The following APC variants were observed in gnomAD, a reference collection of about 807,000 sequenced individuals.
APC encodes the protein APC regulator of Wnt signaling pathway.
APC carries 72 observed loss-of-function variants against 247.0 expected under a neutral mutation model. The observed-to-expected ratio is 0.29, with a 90% confidence interval of 0.24 to 0.35. The LOEUF is 0.35. APC is among the 10% of genes least tolerant of loss of function. APC has a pLI of 1.00. For missense variants in APC, 3,400 were observed against 3,360.7 expected (o/e 1.01, Z -0.29); for synonymous variants, 1,254 against 1,162.5 (o/e 1.08, Z -1.60).
chr5:112,752,608 A>G (rs1216152282), intron 1 of APC, among the ~76,000 whole-genome samples: 2 of 152,208 alleles, frequency 1.3e-5, no homozygotes, highest in Non-Finnish European at 2.9e-5. Context: ...TGATCACACA[A>G]GTTTCAAATT....
rs1561600562 is a variant in APC, at chr5:112,841,090, T to C, written c.5496T>C (p.Asp1832=). 1.2e-6 allele frequency: 2 copies of C among 1,612,890 alleles called. No homozygotes were observed. The highest frequency in any genetic ancestry group is 1.7e-6 in the Non-Finnish European group (2 of 1,178,912). The change falls in exon 16 of 16, where the codon GAT becomes GAC. Residue 1832 remains aspartate (D), a synonymous_variant. Coordinates refer to ENST00000257430, the MANE Select transcript of APC (RefSeq NM_000038.6). The surrounding 1 kb of genome is among the most constrained non-coding windows in gnomAD (Gnocchi z 4.6). ...ATGATAAGCTCCCAAATAATGAAGA[T>C]AGAGTCAGAGGAAGTTTTGCTTTTG... The part of the protein sequence containing the change: ...VFNDKLPNNE[D]RVRGSFAFDS...
intron 1 of APC, among the ~76,000 whole-genome samples, chr5:112,742,056 C>G (rs915077574): frequency 6.6e-6 from 1 of 152,128 alleles, no homozygotes; most frequent in African/African-American, 2.4e-5. Flanking sequence ...CACCTTTTGT[C>G]TATCATGAAT....
intron 6 of APC, among the ~76,000 whole-genome samples, 200 bp from the exon 7 acceptor site, chr5:112,792,246 G>GA (rs921344881): frequency 1.6e-4 from 24 of 146,462 alleles, no homozygotes; most frequent in African/African-American, 5.5e-4. Flanking sequence ...ACTCTGTCTC[G>GA]AAAAAAAAAG....
intron 7 of APC, among the ~76,000 whole-genome samples, chr5:112,799,206 G>T (rs1644239): frequency 7.1e-6 from 1 of 140,200 alleles, no homozygotes. Context: ...AAAAAAAAAG[G>T]CACTTTAATA....
chr5:112,821,854 A>G (rs1006392625), intron 10 of APC, 42 bp from the exon 11 acceptor site: 3 of 1,477,902 alleles, frequency 2.0e-6, no homozygotes, highest in Non-Finnish European at 1.9e-6. Context: ...ATTGCTCTTC[A>G]AATAACAAAG....
intron 6 of APC, among the ~76,000 whole-genome samples, chr5:112,781,519 A>G (rs192824475): frequency 6.6e-6 from 1 of 152,316 alleles, no homozygotes; most frequent in Non-Finnish European, 1.5e-5. Context: ...TCTGTTTCAA[A>G]ACTAGCGTGG....
intron 4 of APC, among the ~76,000 whole-genome samples, chr5:112,769,823 C>T (rs1326575195): frequency 6.6e-6 from 1 of 152,158 alleles, no homozygotes; most frequent in African/African-American, 2.4e-5. Context: ...CATATATGCC[C>T]ATTTATAAAA....
rs2149783738 is a variant in APC at position 112,766,326 on chromosome 5, G to A, written c.136G>A (p.Glu46Lys). 1 of 1,587,104 alleles carries A rather than the reference G, an allele frequency of 6.3e-7. No homozygotes were observed. The change falls in exon 3 of 16, where the codon GAA (glutamate) becomes AAA (lysine). Residue 46 changes from glutamate (E) to lysine (K), a missense_variant and splice_region_variant. By Grantham distance (56) the Glu-to-Lys change is moderately conservative. This residue lies in a region of APC where 372 missense variants were observed against 367.6 expected (regional missense o/e 1.01). Coordinates refer to ENST00000257430, the MANE Select transcript of APC (RefSeq NM_000038.6). ...TAATATATTGTGTTCTTTTTAACAG[G>A]AAGTACTTAAACAACTACAAGGAAG... is the stretch of plus-strand genomic sequence containing the variant. ...KLETEASNMK[E>K]VLKQLQGSIE...
rs142720069 is a variant in APC at position 112,755,010 on chromosome 5, G to A, written c.120G>A (p.Glu40=). The A allele has an allele frequency of 3.7e-4, 605 of 1,613,606 alleles. 1 individual carries two copies. In the African/African-American group the frequency reaches 5.0e-3, roughly 13 times the overall value. ...ATCATCTTACAAAACTGGAAACTGAGGCATCTAATATGAAGGTATCAAGAC... is the reference window on the plus strand; with the variant it reads ...ATCATCTTACAAAACTGGAAACTGAAGCATCTAATATGAAGGTATCAAGAC... ...NSNHLTKLET[E]ASNMKEVLKQ... Residue 40 remains glutamate (E), a synonymous_variant, in exon 2 of 16, where the codon GAG becomes GAA. Transcript: ENST00000257430.
intron 7 of APC, among the ~76,000 whole-genome samples, chr5:112,793,488 A>G (rs1325640479): frequency 1.1e-5 from 1 of 87,540 alleles, no homozygotes; most frequent in Non-Finnish European, 2.6e-5. Context: ...AAAAAACTTA[A>G]AGAGACTTAC....
chr5:112,830,309 A>G (rs1361269803), intron 14 of APC, among the ~76,000 whole-genome samples: 2 of 151,032 alleles, frequency 1.3e-5, no homozygotes, highest in Admixed American at 1.3e-4. Flanking sequence ...CCTTGAAAAG[A>G]TACTTAATAT....
intron 8 of APC, among the ~76,000 whole-genome samples, chr5:112,805,265 T>C (rs897512407): frequency 1.3e-5 from 2 of 152,220 alleles, no homozygotes; most frequent in Non-Finnish European, 2.9e-5. Context: ...ACTGTCTTGA[T>C]TTCCGTTGTA....
chr5:112,834,238 CT>C lies in APC; in HGVS notation c.1744-691del, dbSNP rs963878310. ...ACAGGCATGAGCCACCACGTTGCGC[CT>C]TTTTTTTTTTTTTTTTTTTTTAAAA... On this transcript the variant is annotated intron_variant, in intron 14 of 15. Coordinates refer to ENST00000257430, the MANE Select transcript of APC (RefSeq NM_000038.6). 7.1e-3 allele frequency among the ~76,000 whole-genome samples: 899 copies of C among 126,582 alleles called. 8 individuals are homozygous for C. Among genetic ancestry groups the C allele is most frequent in the African/African-American group, 0.023 (748 of 33,090 alleles). 83.0% of individuals were successfully genotyped at this position (126,582 alleles called of 152,430 possible).
intron 14 of APC, chr5:112,829,568 C>T (rs1764102558): frequency 1.9e-5 from 3 of 154,242 alleles, no homozygotes; most frequent in Admixed American, 1.3e-4. Context: ...TGCCTCAGCA[C>T]TATAGACATT....
chr5:112,840,884 C>G lies in APC; in HGVS notation c.5290C>G (p.Gln1764Glu), dbSNP rs529543591. 5.0e-6 allele frequency: 8 copies of G among 1,613,850 alleles called. No individual in the cohort carries two copies. In the East Asian group the frequency reaches 1.3e-4, roughly 27 times the overall value. Residue 1764 changes from glutamine to glutamate, a missense_variant, in exon 16 of 16, where the codon CAG (glutamine) becomes GAG (glutamate). Physicochemically the swap from Gln to Glu is conservative, Grantham distance 29 (BLOSUM62 2). This residue lies in a region of APC where 1,788 missense variants were observed against 1,649.5 expected (regional missense o/e 1.08). Coordinates refer to ENST00000257430, the MANE Select transcript of APC (RefSeq NM_000038.6). The surrounding 1 kb of genome is among the most constrained non-coding windows in gnomAD (Gnocchi z 4.1). The stretch of plus-strand genomic sequence containing the variant: ...GTCTTCTTCTGCACCCAACAAAAAT[C>G]AGTTAGATGGTAAGAAAAAGAAACC... ...SASSSAPNKN[Q>E]LDGKKKKPTS... is the part of the protein sequence containing the mutation.
intron 1 of APC, among the ~76,000 whole-genome samples, chr5:112,742,343 A>T (rs1581078275): frequency 6.6e-6 from 1 of 152,150 alleles, no homozygotes; most frequent in African/African-American, 2.4e-5. Flanking sequence ...ATTCTTATAC[A>T]TATCTCCTTG....
chr5:112,716,026 C>T (rs1456944151), intron 1 of APC, among the ~76,000 whole-genome samples: 1 of 152,056 alleles, frequency 6.6e-6, no homozygotes, highest in Non-Finnish European at 1.5e-5. Flanking sequence ...TTATTAGTTT[C>T]ACCAGAGATC....
chr5:112,801,416 T>G, intron 8 of APC, 33 bp downstream of exon 8: 2 of 1,430,434 alleles, frequency 1.4e-6, no homozygotes, highest in Admixed American at 3.9e-5. Flanking sequence ...TTTTTTAAAA[T>G]TATTTAAATA....
intron 4 of APC, among the ~76,000 whole-genome samples, chr5:112,768,361 A>G (rs7728891): frequency 6.7e-6 from 1 of 148,598 alleles, no homozygotes; most frequent in African/African-American, 2.5e-5. Flanking sequence ...CTGTCTCTTT[A>G]CCAAAAAAAA....
Sources: gnomAD v4.1 joint callset for allele counts (sites outside exome capture counted in the v4.1 genomes callset) on GRCh38, gnomAD v4.1.1 for gene constraint, gnomAD v4.1.1 regional missense constraint, Gnocchi (gnomAD v3.1) non-coding constraint, MANE v1.5 for transcripts, NCBI Gene and HGNC (gene_info 2026-07-23, HGNC 2026-07-21) for gene names.